Variants in WASHC3 observed in about 807,000 individuals in gnomAD.
The protein encoded by WASHC3 is WASH complex subunit CCDC53.
Under a neutral mutation model 26.1 loss-of-function variants are expected in WASHC3, and 24 were observed. The ratio of observed to expected loss-of-function variants is 0.92; its 90% CI spans 0.66 to 1.29. The LOEUF (loss-of-function observed/expected upper bound fraction) is 1.29, where lower values mean the gene tolerates loss of function less well. Among genes scored for constraint, WASHC3 ranks in the 50% most tolerant of loss-of-function variants. WASHC3 has a pLI of 0.00. For synonymous variants in WASHC3, 77 were observed against 75.7 expected, an observed-to-expected ratio of 1.02 and a Z score of -0.09; for missense variants, 214 against 229.6, an observed-to-expected ratio of 0.93 and a Z score of 0.44.
intron 3 of WASHC3, 119 bp downstream of exon 3, chr12:102,045,935 C>G: frequency 1.6e-6 from 1 of 611,342 alleles, no homozygotes; most frequent in Non-Finnish European, 2.9e-6. Context: ...ACCAGTATCA[C>G]TTCACAGATA....
intron 3 of WASHC3, 81 bp downstream of exon 3, chr12:102,045,973 T>G (rs1878143321): frequency 1.3e-6 from 1 of 777,038 alleles, no homozygotes; most frequent in African/African-American, 1.8e-5. Context: ...CACTCCCAAA[T>G]GCAATGAAAA....
At chr12:102,055,766 C>G (rs1878570215) in intron 2 of WASHC3, among the ~76,000 whole-genome samples, 1 of 152,018 alleles carries the variant, frequency 6.6e-6, no homozygotes, top group Non-Finnish European at 1.5e-5. Flanking sequence ...TTAGATGGTC[C>G]CAATTTTCTA....
chr12:102,058,261 C>T (rs1878669649), intron 2 of WASHC3, among the ~76,000 whole-genome samples: 1 of 151,974 alleles, frequency 6.6e-6, no homozygotes, highest in Non-Finnish European at 1.5e-5. Flanking sequence ...AAAAATTTAA[C>T]ACGAAAAGGA....
intron 5 of WASHC3, among the ~76,000 whole-genome samples, chr12:102,028,253 T>C (rs1350125529): frequency 6.6e-6 from 1 of 152,192 alleles, no homozygotes; most frequent in East Asian, 1.9e-4. Context: ...ATTTTAATAA[T>C]AGAGGAGAAA....
At chr12:102,053,903 A>G (rs933536095) in intron 2 of WASHC3, among the ~76,000 whole-genome samples, 9 of 152,356 alleles carry the variant, frequency 5.9e-5, no homozygotes, top group African/African-American at 1.9e-4. Flanking sequence ...ATAACTTGTT[A>G]AGGGATATGC....
intron 2 of WASHC3, among the ~76,000 whole-genome samples, chr12:102,059,026 GGT>G (rs1445022639): frequency 1.3e-5 from 2 of 152,168 alleles, no homozygotes; most frequent in Non-Finnish European, 1.5e-5. Context: ...TGAGTAGAAT[GGT>G]GGTTAGCAGG....
At position 102,025,965 on chromosome 12, in the gene WASHC3, ATTAC is replaced by A. The variant is rs1877167572; in HGVS notation, c.500+5_500+8del. 1 of 1,352,304 alleles carries A rather than the reference ATTAC, an allele frequency of 7.4e-7. No individual in the cohort carries two copies. The highest frequency in any genetic ancestry group is 1.4e-5 in the African/African-American group (1 of 69,368). 83.8% of individuals were successfully genotyped at this position (1,352,304 alleles called of 1,614,324 possible). A position where few individuals can be genotyped will look rare whatever the true frequency, so the allele number is the denominator to read the frequency against. ...GCAATAATATCATTATATTAGAAGA[ATTAC>A]TTACTCAAGAAGATCTGGGTCTAGT... On this transcript the variant is annotated splice_donor_5th_base_variant and intron_variant, in intron 6 of 6. Transcript: ENST00000240079.
At chr12:102,040,252 T>C (rs1387902104) in intron 4 of WASHC3, 1 of 183,064 alleles carries the variant, frequency 5.5e-6, no homozygotes, top group African/African-American at 2.3e-5. Flanking sequence ...TCTGCTTTAC[T>C]TGTCCCCAGA....
At chr12:102,052,313 A>T (rs2136685563) in intron 2 of WASHC3, among the ~76,000 whole-genome samples, 1 of 152,326 alleles carries the variant, frequency 6.6e-6, no homozygotes, top group South Asian at 2.1e-4. Flanking sequence ...GCCTTGGACC[A>T]CAACACCAGG....
chr12:102,014,018 A>C (rs927897491), intron 6 of WASHC3, among the ~76,000 whole-genome samples: 3 of 152,104 alleles, frequency 2.0e-5, no homozygotes, highest in Non-Finnish European at 4.4e-5. Flanking sequence ...TTAAGCAAGA[A>C]AAGTATTTTT....
At chr12:102,015,561 G>C (rs1260227825) in intron 6 of WASHC3, among the ~76,000 whole-genome samples, 1 of 149,750 alleles carries the variant, frequency 6.7e-6, no homozygotes, top group Non-Finnish European at 1.5e-5. Context: ...TGTAAAGTGT[G>C]TTCGATAATA....
chr12:102,034,781 A>T (rs1877581390), intron 5 of WASHC3, among the ~76,000 whole-genome samples: 1 of 146,066 alleles, frequency 6.8e-6, no homozygotes, highest in Non-Finnish European at 1.5e-5. Flanking sequence ...CCTAAAAAAA[A>T]GTGTGTGTGT....
intron 2 of WASHC3, among the ~76,000 whole-genome samples, chr12:102,053,536 G>A (rs1878474241): frequency 6.6e-6 from 1 of 152,068 alleles, no homozygotes; most frequent in South Asian, 2.1e-4. Context: ...ACCAACACAT[G>A]GCCACAAAGA....
chr12:102,039,127 GGTTTTTT>G (rs1188633166), intron 5 of WASHC3, among the ~76,000 whole-genome samples: 8 of 84,272 alleles, frequency 9.5e-5, no homozygotes, highest in Admixed American at 2.4e-4. Context: ...TATGGAGTTA[GGTTTTTT>G]TTTTTTTTTT....
chr12:102,053,113 C>T (rs1878458112), intron 2 of WASHC3, among the ~76,000 whole-genome samples: 1 of 151,334 alleles, frequency 6.6e-6, no homozygotes, highest in South Asian at 2.1e-4. Context: ...AGTCACAGTA[C>T]AACCAGGACC....
chr12:102,050,341 A>T (rs574822728), intron 2 of WASHC3: 2 of 444,408 alleles, frequency 4.5e-6, no homozygotes, highest in South Asian at 3.2e-5. Context: ...CATTCTGGCC[A>T]GGTACAGTGG....
chr12:102,045,515 TA>T (rs1173875072), intron 3 of WASHC3, among the ~76,000 whole-genome samples: 1 of 152,160 alleles, frequency 6.6e-6, no homozygotes, highest in Non-Finnish European at 1.5e-5. Context: ...AAAAAAATAT[TA>T]AAAATGAAAC....
At chr12:102,055,364 G>A (rs1022704402) in intron 2 of WASHC3, among the ~76,000 whole-genome samples, 1 of 151,952 alleles carries the variant, frequency 6.6e-6, no homozygotes, top group Non-Finnish European at 1.5e-5. Flanking sequence ...TTGTTTTTTT[G>A]AGATGGAGTC....
chr12:102,038,652 G>A (rs1877783327), intron 5 of WASHC3, among the ~76,000 whole-genome samples: 1 of 151,706 alleles, frequency 6.6e-6, no homozygotes, highest in African/African-American at 2.4e-5. Context: ...TTTTATTCTT[G>A]TTAATTAAAA....
Sources: gnomAD v4.1 joint callset for allele counts (sites outside exome capture counted in the v4.1 genomes callset) on GRCh38, gnomAD v4.1.1 for gene constraint, MANE v1.5 for transcripts, NCBI Gene and HGNC (gene_info 2026-07-23, HGNC 2026-07-21) for gene names.